SLC2A11: variants seen among roughly 807,000 people sequenced by gnomAD.
The protein encoded by SLC2A11 is solute carrier family 2 member 11, also known as solute carrier family 2, facilitated glucose transporter member 11.
SLC2A11 carries 43 observed loss-of-function variants against 52.1 expected under a neutral mutation model. That is an observed-to-expected ratio of 0.82 (90% confidence interval 0.65 to 1.06). The LOEUF (loss-of-function observed/expected upper bound fraction) is 1.06, where lower values mean the gene tolerates loss of function less well. SLC2A11 is among the 50% of genes least tolerant of loss of function. The pLI, the probability that SLC2A11 is intolerant of heterozygous loss-of-function variation, is 0.00. For missense variants in SLC2A11, 582 were observed against 654.2 expected (o/e 0.89, Z 1.20); for synonymous variants, 261 against 277.6 (o/e 0.94, Z 0.59).
chr22:23,885,020 T>C lies in SLC2A11; in HGVS notation c.*171T>C. On this transcript the variant is annotated 3_prime_UTR_variant, in exon 12 of 12. Coordinates refer to ENST00000316185, the MANE Select transcript of SLC2A11 (RefSeq NM_001024939.4). ...TAGCAATCAATGGTGAGCGTGGTAT[T>C]CCAGGCTAAAGGTAATTAACTGACA... is the stretch of plus-strand genomic sequence containing the variant. 1 of 599,242 alleles carries C rather than the reference T, an allele frequency of 1.7e-6. No homozygotes were observed. The highest frequency in any genetic ancestry group is 2.9e-6 in the Non-Finnish European group (1 of 339,292). The allele number at this position is 599,242 out of a possible 1,614,324, so 37.1% of individuals were successfully genotyped here.
At chr22:23,864,778 C>T (rs1182914581) in intron 2 of SLC2A11, among the ~76,000 whole-genome samples, 1 of 152,174 alleles carries the variant, frequency 6.6e-6, no homozygotes, top group Non-Finnish European at 1.5e-5. Context: ...GCTTCCCCTA[C>T]CCTGCTGAAT....
intron 2 of SLC2A11, 106 bp from the exon 3 acceptor site, chr22:23,868,375 T>G (rs2032336572): frequency 1.4e-6 from 2 of 1,392,366 alleles, no homozygotes; most frequent in Admixed American, 3.8e-5. Context: ...CCTGTTGTCA[T>G]TGCCTGTTCT....
At chr22:23,879,310 G>A (rs1334817252) in intron 6 of SLC2A11, among the ~76,000 whole-genome samples, 1 of 152,120 alleles carries the variant, frequency 6.6e-6, no homozygotes, top group Admixed American at 6.5e-5. Context: ...GCCCAGGCTG[G>A]AGTGGTGTGA....
At chr22:23,860,276 T>C (rs1288427321) in intron 1 of SLC2A11, among the ~76,000 whole-genome samples, 2 of 151,904 alleles carry the variant, frequency 1.3e-5, no homozygotes, top group Non-Finnish European at 2.9e-5. Context: ...TAGCCCAGCA[T>C]GATGGTGTGT....
chr22:23,882,421 T>C, intron 6 of SLC2A11, 38 bp from the exon 7 acceptor site: 1 of 1,476,290 alleles, frequency 6.8e-7, no homozygotes, highest in Non-Finnish European at 9.0e-7. Context: ...AAGAGGGGCT[T>C]GGGGACGGGG....
rs1250172101 is a variant in SLC2A11 at position 23,884,257 on chromosome 22, A to C, written c.1172-45A>C. 3 of 1,587,548 alleles carry C rather than the reference A, an allele frequency of 1.9e-6. No individual in the cohort carries two copies. The highest frequency in any genetic ancestry group is 2.6e-6 in the Non-Finnish European group (3 of 1,165,742). ...GGGCTGGGGTCGGGGAGAGGCAGGCAGGGAACCCTGGCCAGCAGCCCCCTG... is the reference window on the plus strand; with the variant it reads ...GGGCTGGGGTCGGGGAGAGGCAGGCCGGGAACCCTGGCCAGCAGCCCCCTG... On this transcript the variant is annotated intron_variant, in intron 10 of 11. Transcript: ENST00000316185. This position sits in a 1 kb window ranked among gnomAD's most constrained non-coding sequence, Gnocchi z 4.3.
At chr22:23,868,793 T>C (rs749171959) in intron 3 of SLC2A11, 152 bp downstream of exon 3, 19 of 858,480 alleles carry the variant, frequency 2.2e-5, no homozygotes, top group Admixed American at 1.1e-4. Flanking sequence ...AGTTTCACCT[T>C]GCAAGACACG....
chr22:23,866,915 AG>A (rs972980442), intron 2 of SLC2A11: 51 of 152,418 alleles, frequency 3.3e-4, no homozygotes, highest in African/African-American at 1.2e-3. Context: ...AAAGAGACAT[AG>A]GTCCCCTTGA....
chr22:23,874,211 C>T (rs1346441302), intron 3 of SLC2A11, among the ~76,000 whole-genome samples: 5 of 152,202 alleles, frequency 3.3e-5, no homozygotes, highest in African/African-American at 7.2e-5. Flanking sequence ...ACTATCTATA[C>T]GTCTCTTCCT....
intron 1 of SLC2A11, among the ~76,000 whole-genome samples, chr22:23,861,507 G>A (rs1489044942): frequency 1.3e-5 from 2 of 152,144 alleles, no homozygotes; most frequent in Non-Finnish European, 2.9e-5. Flanking sequence ...GAGAAAGGAA[G>A]GGGAGAGCTG....
chr22:23,862,448 G>A (rs931762808), intron 2 of SLC2A11: 17 of 487,680 alleles, frequency 3.5e-5, no homozygotes, highest in Admixed American at 6.7e-5. Context: ...TGGGGGGTCA[G>A]CCTTGACTCT....
chr22:23,868,616 G>T lies in SLC2A11; in HGVS notation c.265G>T (p.Gly89Cys). 2 of 1,614,116 alleles carry T rather than the reference G, an allele frequency of 1.2e-6. No homozygotes were observed. The highest frequency in any genetic ancestry group is 8.5e-7 in the Non-Finnish European group (1 of 1,180,006). The stretch of plus-strand genomic sequence containing the variant: ...AGGCCTCTTTGGAGCACTGCTTGCA[G>T]GTCCCTTGGCCATCACGCTGGGAAG... ...LGGLFGALLA[G>C]PLAITLGRKK... The change falls in exon 3 of 12, where the codon GGT becomes TGT. Residue 89 changes from glycine (G) to cysteine (C), a missense_variant. Physicochemically the swap from Gly to Cys is radical, Grantham distance 159 (BLOSUM62 -3). Transcript: ENST00000316185.
upstream of SLC2A11, chr22:23,857,612 G>C: frequency 4.3e-6 from 4 of 939,690 alleles, no homozygotes; most frequent in African/African-American, 2.6e-5. Context: ...CCCCCAACAC[G>C]CTGGGGCGAA....
At chr22:23,874,117 C>A (rs947667344) in intron 3 of SLC2A11, among the ~76,000 whole-genome samples, 18 of 152,226 alleles carry the variant, frequency 1.2e-4, no homozygotes, top group East Asian at 7.7e-4. Context: ...TCCCATTGAC[C>A]AAGGCATTGA....
upstream of SLC2A11, chr22:23,857,193 G>A: frequency 2.5e-6 from 2 of 797,462 alleles, no homozygotes; most frequent in Non-Finnish European, 2.0e-6. Context: ...GGCGACCGGC[G>A]CAGGGAATCG....
Position 23,868,246 on chromosome 22 carries a change from G to A in SLC2A11, c.130-235G>A, listed in dbSNP as rs543668397. ...TTTCGCAGAGAGGGGCAAATGGAGC[G>A]AGTCCAGTGCTAGGCTCTGAGAGAT... On this transcript the variant is annotated intron_variant, in intron 2 of 11. Transcript: ENST00000316185. The A allele has an allele frequency of 2.6e-3, 1,442 of 550,008 alleles. 44 individuals carry two copies. The South Asian group carries it at 0.038, about 14-fold the overall frequency. 34.1% of individuals were successfully genotyped at this position (550,008 alleles called of 1,614,324 possible).
At chr22:23,858,179 C>T (rs922318487) in intron 1 of SLC2A11, 150 bp downstream of exon 1, 3 of 1,215,624 alleles carry the variant, frequency 2.5e-6, no homozygotes, top group Non-Finnish European at 3.6e-6. Flanking sequence ...GCGTTAGGTG[C>T]TAGGCTCAGA....
At chr22:23,857,567 G>T (rs769256508), upstream of SLC2A11, 2 of 1,558,634 alleles carry the variant, frequency 1.3e-6, no homozygotes, top group South Asian at 2.3e-5. Flanking sequence ...CCCCGCGGCG[G>T]TGACCCCAAA....
intron 6 of SLC2A11, chr22:23,881,781 C>A (rs2032801319): frequency 6.7e-6 from 1 of 150,226 alleles, no homozygotes; most frequent in Admixed American, 6.7e-5. Flanking sequence ...CACAGACAGA[C>A]ACAGAGACAG....
Sources: gnomAD v4.1 joint callset for allele counts (sites outside exome capture counted in the v4.1 genomes callset) on GRCh38, gnomAD v4.1.1 for gene constraint, Gnocchi (gnomAD v3.1) non-coding constraint, MANE v1.5 for transcripts, NCBI Gene and HGNC (gene_info 2026-07-23, HGNC 2026-07-21) for gene names.